The following RASAL2 variants were observed in gnomAD, a reference collection of about 807,000 sequenced individuals.
RASAL2 encodes the protein RAS protein activator like 2, also known as ras GTPase-activating protein nGAP.
RASAL2 carries 58 observed loss-of-function variants against 128.9 expected under a neutral mutation model. The observed-to-expected ratio is 0.45, with a 90% CI of 0.36 to 0.56. The LOEUF (loss-of-function observed/expected upper bound fraction) is 0.56, where lower values mean the gene tolerates loss of function less well. Among genes scored for constraint, RASAL2 ranks in the 20% least tolerant of loss-of-function variants. The pLI, the probability that RASAL2 is intolerant of heterozygous loss-of-function variation, is 0.00. For synonymous variants in RASAL2, 561 were observed against 580.8 expected, an observed-to-expected ratio of 0.97 and a Z score of 0.49; for missense variants, 1,360 against 1,601.6, an observed-to-expected ratio of 0.85 and a Z score of 2.57.
chr1:178,096,539 C>T (rs1658694167), intron 1 of RASAL2, among the ~76,000 whole-genome samples: 1 of 151,110 alleles, frequency 6.6e-6, no homozygotes, highest in Admixed American at 6.6e-5. Context: ...TTTCTTTCGT[C>T]CTTCTGAACA....
At chr1:178,345,470 C>T (rs1467302391) in intron 3 of RASAL2, among the ~76,000 whole-genome samples, 1 of 152,056 alleles carries the variant, frequency 6.6e-6, no homozygotes, top group Non-Finnish European at 1.5e-5. Flanking sequence ...TTACGGAGTA[C>T]CTTTGAAAAA....
intron 1 of RASAL2, among the ~76,000 whole-genome samples, chr1:178,282,293 G>A (rs1666822067): frequency 6.6e-6 from 1 of 152,140 alleles, no homozygotes; most frequent in Admixed American, 6.5e-5. Flanking sequence ...AGAGAGGACA[G>A]GAAGTTAAAC....
intron 3 of RASAL2, among the ~76,000 whole-genome samples, chr1:178,356,074 C>T (rs1457131336): frequency 6.7e-6 from 1 of 149,216 alleles, no homozygotes; most frequent in African/African-American, 2.5e-5. Flanking sequence ...GAGGCTGAGG[C>T]AGAGAATCGC....
chr1:178,172,059 C>T (rs1661723635), intron 1 of RASAL2, among the ~76,000 whole-genome samples: 1 of 151,784 alleles, frequency 6.6e-6, no homozygotes, highest in South Asian at 2.1e-4. Flanking sequence ...AACCTTGGGC[C>T]AGGACAAGGC....
intron 1 of RASAL2, among the ~76,000 whole-genome samples, chr1:178,185,067 TTGTTGTA>T (rs1662242634): frequency 6.6e-6 from 1 of 152,040 alleles, no homozygotes; most frequent in South Asian, 2.1e-4. Flanking sequence ...TATTCTCTTT[TTGTTGTA>T]TGTGTGGGGA....
chr1:178,450,385 C>A (rs1289105077), intron 9 of RASAL2, among the ~76,000 whole-genome samples: 1 of 152,044 alleles, frequency 6.6e-6, no homozygotes, highest in Non-Finnish European at 1.5e-5. Flanking sequence ...CGGATTTGAG[C>A]CTAGATCTCT....
Position 178,464,371 on chromosome 1 carries a change from GA to G in RASAL2, c.3349del (p.Thr1117LeufsTer5), listed in dbSNP as rs777497787. The G allele has an allele frequency of 6.2e-7, 1 of 1,613,824 alleles. No individual in the cohort carries two copies. Among genetic ancestry groups the G allele is most frequent in the Non-Finnish European group, 8.5e-7 (1 of 1,179,808 alleles). ...TGGGCAGTATGAAGAGGATGTGGAA[GA>G]AACTGAGCAAAATCTAGATGAAGCC... ...NNGQYEEDVE[E>X]TEQNLDEAKH... On this transcript the variant is annotated frameshift_variant, in exon 15 of 18. Transcript: ENST00000367649. LOFTEE classifies it high-confidence loss of function.
Position 178,473,387 on chromosome 1 carries a change from C to T in RASAL2, c.*148C>T, listed in dbSNP as rs1399294281. The T allele has an allele frequency of 9.8e-7, 1 of 1,021,766 alleles. No individual in the cohort carries two copies. Among genetic ancestry groups the T allele is most frequent in the Non-Finnish European group, 1.4e-6 (1 of 710,180 alleles). The allele number at this position is 1,021,766 out of a possible 1,614,324, so 63.3% of individuals were successfully genotyped here. A position where few individuals can be genotyped will look rare whatever the true frequency, so the allele number is the denominator to read the frequency against. On this transcript the variant is annotated 3_prime_UTR_variant, in exon 18 of 18. Coordinates refer to ENST00000367649, the MANE Select transcript of RASAL2 (RefSeq NM_170692.4). Reference sequence around the variant, plus strand: ...TCCTGAATGAAGAAAGGAACCTTGTCTTTCAGGGCATAAGGCGGCGACTTC... The same window carrying T: ...TCCTGAATGAAGAAAGGAACCTTGTTTTTCAGGGCATAAGGCGGCGACTTC...
At chr1:178,110,612 C>G (rs1223254706) in intron 1 of RASAL2, among the ~76,000 whole-genome samples, 1 of 130,186 alleles carries the variant, frequency 7.7e-6, no homozygotes, top group African/African-American at 2.9e-5. Context: ...TATATATACA[C>G]TATATACACT....
At chr1:178,165,122 T>A (rs1165252053) in intron 1 of RASAL2, among the ~76,000 whole-genome samples, 1 of 152,074 alleles carries the variant, frequency 6.6e-6, no homozygotes, top group Non-Finnish European at 1.5e-5. Flanking sequence ...TGGATTTTAT[T>A]ATCTGAGAGA....
chr1:178,269,127 G>C (rs533713827), intron 1 of RASAL2, among the ~76,000 whole-genome samples: 2 of 152,110 alleles, frequency 1.3e-5, no homozygotes, highest in Admixed American at 6.5e-5. Context: ...TAATAGGGCC[G>C]TTGCCCTTAT....
intron 5 of RASAL2, among the ~76,000 whole-genome samples, chr1:178,437,420 CTA>C (rs1305727479): frequency 6.6e-6 from 1 of 152,076 alleles, no homozygotes; most frequent in African/African-American, 2.4e-5. Flanking sequence ...TGTGGCACCG[CTA>C]TGATTTGGGG....
intron 1 of RASAL2, among the ~76,000 whole-genome samples, chr1:178,223,930 A>C (rs1293584308): frequency 2.0e-5 from 3 of 152,212 alleles, no homozygotes; most frequent in Non-Finnish European, 2.9e-5. Flanking sequence ...CACTAGAATA[A>C]GACCAGATTT....
chr1:178,413,030 CT>C (rs1260953399), intron 4 of RASAL2, among the ~76,000 whole-genome samples: 1 of 150,700 alleles, frequency 6.6e-6, no homozygotes. Flanking sequence ...TCTTTCCTTC[CT>C]TCCTTCCTTC....
In RASAL2 at chr1:178,458,449, G is replaced by A; in HGVS notation, c.3157G>A (p.Val1053Met). 1 of 1,614,220 alleles carries A rather than the reference G, an allele frequency of 6.2e-7. No individual in the cohort carries two copies. The change falls in exon 14 of 18, where the codon GTG (valine) becomes ATG (methionine). Residue 1053 changes from valine (V) to methionine (M), a missense_variant. Physicochemically the swap from Val to Met is conservative, Grantham distance 21. Around this residue, in one of 3 missense-constraint regions of RASAL2, gnomAD observed 741 missense variants for 868.6 expected, o/e 0.85. Transcript: ENST00000367649. Reference protein sequence around the residue: ...VVSAALVAEPVQNGSRSRQQS... With the variant: ...VVSAALVAEPMQNGSRSRQQS... ...GTCCGCAGCCCTGGTGGCCGAACCT[G>A]TGCAGAATGGGAGCCGGTCCCGGCA...
chr1:178,214,298 T>C lies in RASAL2; in HGVS notation c.203-69266T>C, dbSNP rs1488277504. ...ATGAATGAATGAATGAATGAATGGA[T>C]GAATAAATAAATAAATAATTTCAGG... is the stretch of plus-strand genomic sequence containing the variant. On this transcript the variant is annotated intron_variant, in intron 1 of 17. Transcript: ENST00000367649. Among the ~76,000 whole-genome samples the C allele has an allele frequency of 2.0e-5, 3 of 152,210 alleles. No individual in the cohort carries two copies. The East Asian group carries it at 5.8e-4, about 29-fold the overall frequency.
intron 3 of RASAL2, among the ~76,000 whole-genome samples, chr1:178,334,343 CTTT>C (rs759305300): frequency 7.0e-6 from 1 of 142,602 alleles, no homozygotes; most frequent in Non-Finnish European, 1.5e-5. Flanking sequence ...ACTTTTTTTT[CTTT>C]TTTTTTTTTG....
chr1:178,236,479 A>AGT (rs2102036797), intron 1 of RASAL2, among the ~76,000 whole-genome samples: 2 of 152,278 alleles, frequency 1.3e-5, no homozygotes, highest in Admixed American at 6.5e-5. Flanking sequence ...TAGTCAACCA[A>AGT]GTGTTATTTT....
chr1:178,175,004 T>C lies in RASAL2; in HGVS notation c.202+80310T>C, dbSNP rs1156875539. Among the ~76,000 whole-genome samples the C allele has an allele frequency of 3.9e-5, 6 of 152,292 alleles. No homozygotes were observed. The East Asian group carries it at 1.2e-3, about 29-fold the overall frequency. On this transcript the variant is annotated intron_variant, in intron 1 of 17. Coordinates refer to ENST00000367649, the MANE Select transcript of RASAL2 (RefSeq NM_170692.4). Reference sequence around the variant, plus strand: ...TGTACTAAGATGAGATAGAATCATATAGTACATGGCAGATTACTGGGAATA... The same window carrying C: ...TGTACTAAGATGAGATAGAATCATACAGTACATGGCAGATTACTGGGAATA...
Sources: allele counts gnomAD v4.1 joint callset (sites outside exome capture counted in the v4.1 genomes callset), GRCh38; gene constraint gnomAD v4.1.1; regional missense constraint gnomAD v4.1.1; transcripts MANE v1.5; gene names NCBI Gene and HGNC (gene_info 2026-07-23, HGNC 2026-07-21).